The following ANO1 variants were observed in gnomAD, a reference collection of about 807,000 sequenced individuals.
ANO1 encodes the protein anoctamin 1, also known as anoctamin-1.
In ANO1, 59 loss-of-function variants were observed where a neutral mutation model predicts 124.0. That is an observed-to-expected ratio of 0.48 (90% CI 0.39 to 0.59). ANO1 has a LOEUF of 0.59. Ranked by LOEUF, ANO1 falls within the 20% of genes least tolerant of loss-of-function variation. The pLI is 0.00. For synonymous variants in ANO1, 529 were observed against 532.0 expected (o/e 0.99, Z 0.08); for missense variants, 1,059 against 1,328.0 (o/e 0.80, Z 3.15).
chr11:70,179,165 G>A (rs923816146), intron 22 of ANO1, among the ~76,000 whole-genome samples: 17 of 152,200 alleles, frequency 1.1e-4, no homozygotes, highest in Admixed American at 1.0e-3. Flanking sequence ...CGTTTCTGAC[G>A]AGTGCTGGTT....
intron 10 of ANO1, among the ~76,000 whole-genome samples, chr11:70,126,848 C>T (rs1356963145): frequency 1.6e-5 from 2 of 124,360 alleles, no homozygotes; most frequent in Admixed American, 8.5e-5. Context: ...GAGACGTGAA[C>T]GCTAGAGGCC....
In ANO1 at chr11:70,095,396, AAG is replaced by A. The variant is rs1390166696; in HGVS notation, c.441+7314_441+7315del. 9.0e-3 allele frequency among the ~76,000 whole-genome samples: 381 copies of A among 42,392 alleles called. 33 individuals are homozygous for A. The highest frequency in any genetic ancestry group is 0.02 in the African/African-American group (361 of 17,742). The allele number at this position is 42,392 out of a possible 152,430, so 27.8% of individuals were successfully genotyped here. On this transcript the variant is annotated intron_variant, in intron 2 of 25. Coordinates refer to ENST00000355303, the MANE Select transcript of ANO1 (RefSeq NM_018043.7). The stretch of plus-strand genomic sequence containing the variant: ...AAAGAAAGAAAGAAAGAAAGAAAGA[AAG>A]AAAGAAAGAAAGAAAGAAAGAAAGA...
chr11:70,048,916 CT>C (rs1179270122), intron 1 of ANO1, among the ~76,000 whole-genome samples: 3 of 152,098 alleles, frequency 2.0e-5, no homozygotes, highest in Admixed American at 6.5e-5. Flanking sequence ...ACAGGTTCTT[CT>C]TGAATGTCGA....
rs79277814 is a variant in ANO1, at chr11:70,053,103, G to A, written c.59-25439G>A. On this transcript the variant is annotated intron_variant, in intron 1 of 27. Transcript: ENST00000531349. Reference sequence around the variant, plus strand: ...CAATTGACTTTTGAGTGTTAATCTTGTATTCAGTGACTTTGCCAAATTTAC... The same window carrying A: ...CAATTGACTTTTGAGTGTTAATCTTATATTCAGTGACTTTGCCAAATTTAC... Among the ~76,000 whole-genome samples the A allele has an allele frequency of 3.0e-3, 463 of 152,164 alleles. 2 individuals carry two copies. Among genetic ancestry groups the A allele is most frequent in the African/African-American group, 0.011 (436 of 41,520 alleles).
chr11:70,048,680 C>G (rs1214115392), intron 1 of ANO1, among the ~76,000 whole-genome samples: 1 of 149,480 alleles, frequency 6.7e-6, no homozygotes, highest in Non-Finnish European at 1.5e-5. Flanking sequence ...CCTTCTCCCC[C>G]TCTCCCCACT....
At chr11:70,036,519 A>G (rs1555004433) in intron 1 of ANO1, among the ~76,000 whole-genome samples, 1 of 152,106 alleles carries the variant, frequency 6.6e-6, no homozygotes, top group Non-Finnish European at 1.5e-5. Flanking sequence ...TTCCTCCTTG[A>G]CAATAAAGAC....
intron 1 of ANO1, among the ~76,000 whole-genome samples, chr11:70,019,536 C>A (rs1039286794): frequency 5.4e-5 from 8 of 147,632 alleles, no homozygotes; most frequent in African/African-American, 7.5e-5. Flanking sequence ...CACACGGGCT[C>A]ACCAGGACTC....
At chr11:70,055,522 G>A (rs574755812) in intron 1 of ANO1, among the ~76,000 whole-genome samples, 1 of 151,902 alleles carries the variant, frequency 6.6e-6, no homozygotes. Flanking sequence ...TGGAATATTA[G>A]TATTTTTCCA....
intron 1 of ANO1, among the ~76,000 whole-genome samples, chr11:70,006,659 C>CTTTTTTTTTTTTTTTT (rs1856494477): frequency 1.3e-5 from 1 of 74,266 alleles, no homozygotes; most frequent in Non-Finnish European, 2.5e-5. Flanking sequence ...TTTCTTTCTT[C>CTTTTTTTTTTTTTTTT]TTTCTTTTTT....
chr11:70,170,133 G>T (rs1408207982), intron 21 of ANO1: 3 of 367,178 alleles, frequency 8.2e-6, no homozygotes, highest in Non-Finnish European at 1.6e-5. Flanking sequence ...CTGATGCAAG[G>T]GGAAGTTTGG....
chr11:70,080,569 T>C (rs1437986996), intron 1 of ANO1, among the ~76,000 whole-genome samples: 3 of 152,134 alleles, frequency 2.0e-5, no homozygotes, highest in African/African-American at 7.2e-5. Flanking sequence ...AAATGGAGCC[T>C]GTCATGAATA....
In ANO1 at chr11:70,039,634, G is replaced by A. The variant is rs117320849; in HGVS notation, c.59-38908G>A. 9.5e-3 allele frequency among the ~76,000 whole-genome samples: 1,440 copies of A among 151,762 alleles called. 13 individuals are homozygous for A. The highest frequency in any genetic ancestry group is 0.016 in the Non-Finnish European group (1,061 of 67,920). ...CCTACCTCCCCTTCTGCAGGTGGTA[G>A]TCCTACCTCCCCTTCCGCAGGTAGT... On this transcript the variant is annotated intron_variant, in intron 1 of 27. Transcript: ENST00000531349.
At chr11:70,114,710 C>T (rs879502513) in intron 7 of ANO1, among the ~76,000 whole-genome samples, 3 of 152,152 alleles carry the variant, frequency 2.0e-5, no homozygotes, top group Non-Finnish European at 2.9e-5. Flanking sequence ...ACCAGCCTGA[C>T]CAACATGGCG....
At chr11:69,973,772 T>C in the ANO1 span, among the ~76,000 whole-genome samples, 1 of 151,346 alleles carries the variant, frequency 6.6e-6, no homozygotes, top group Non-Finnish European at 1.5e-5. Flanking sequence ...CTCGGGAGGC[T>C]AAGGCAGGAG....
At chr11:70,093,070 ATC>A (rs1366897888) in intron 2 of ANO1, among the ~76,000 whole-genome samples, 1 of 137,362 alleles carries the variant, frequency 7.3e-6, no homozygotes, top group Non-Finnish European at 1.6e-5. Context: ...CTACCTCTCT[ATC>A]TCTCTCTCTC....
intron 1 of ANO1, chr11:70,085,811 C>A: frequency 6.5e-6 from 7 of 1,078,170 alleles, no homozygotes; most frequent in Non-Finnish European, 8.8e-6. Flanking sequence ...GGGGCTCCAC[C>A]CTCCGGCTTC....
intron 1 of ANO1, among the ~76,000 whole-genome samples, chr11:70,049,115 G>A (rs952650669): frequency 6.6e-6 from 1 of 152,136 alleles, no homozygotes; most frequent in Admixed American, 6.5e-5. Flanking sequence ...TCTCCTAGGT[G>A]GAAATCTAAG....
At chr11:70,161,765 G>A (rs374887358) in intron 18 of ANO1, 32 bp downstream of exon 18, 43 of 1,601,246 alleles carry the variant, frequency 2.7e-5, no homozygotes, top group Non-Finnish European at 3.4e-5. Flanking sequence ...CCCCAACCTC[G>A]CTTCTCCCAG....
chr11:70,017,905 C>G (rs180705572), intron 1 of ANO1, among the ~76,000 whole-genome samples: 3 of 152,246 alleles, frequency 2.0e-5, no homozygotes, highest in Non-Finnish European at 4.4e-5. Flanking sequence ...CTAGCTACCC[C>G]CTGCCTGCAA....
Sources: gnomAD v4.1 joint callset for allele counts (sites outside exome capture counted in the v4.1 genomes callset) on GRCh38, gnomAD v4.1.1 for gene constraint, MANE v1.5 for transcripts, NCBI Gene and HGNC (gene_info 2026-07-23, HGNC 2026-07-21) for gene names.